The following PIM1 variants were observed in gnomAD, a reference collection of about 807,000 sequenced individuals.
PIM1 encodes Pim-1 proto-oncogene, serine/threonine kinase, also known as serine/threonine-protein kinase pim-1.
In PIM1, 9 loss-of-function variants were observed where a neutral mutation model predicts 34.5. That is an observed-to-expected ratio of 0.26 (90% confidence interval 0.16 to 0.46). The LOEUF (loss-of-function observed/expected upper bound fraction) is 0.46. PIM1 is among the 20% of genes least tolerant of loss of function. PIM1 has a pLI of 1.00. For missense variants in PIM1, 274 were observed against 410.9 expected, an observed-to-expected ratio of 0.67 and a Z score of 2.88; for synonymous variants, 199 against 175.2, an observed-to-expected ratio of 1.14 and a Z score of -1.07.
chr6:37,174,801 TCA>T lies in PIM1; in HGVS notation c.*719_*720del, dbSNP rs1158269487. The T allele has an allele frequency of 2.1e-5, 5 of 233,540 alleles. No homozygotes were observed. The highest frequency in any genetic ancestry group is 4.2e-5 in the Non-Finnish European group (5 of 118,068). The allele number at this position is 233,540 out of a possible 1,614,324, so 14.5% of individuals were successfully genotyped here. On this transcript the variant is annotated 3_prime_UTR_variant, in exon 6 of 6. Coordinates refer to ENST00000373509, the MANE Select transcript of PIM1 (RefSeq NM_002648.4). ...ACTTAACTGTTTCAAAGCCAAGACCTCACACACACAAAAAATGCACAAACAAT... is the reference window on the plus strand; with the variant it reads ...ACTTAACTGTTTCAAAGCCAAGACCTCACACACAAAAAATGCACAAACAAT...
intron 5 of PIM1, 115 bp from the exon 6 acceptor site, chr6:37,173,819 C>A: frequency 1.2e-6 from 1 of 869,094 alleles, no homozygotes; most frequent in Non-Finnish European, 1.8e-6. Flanking sequence ...CTAGAAAATG[C>A]TTGGCCTCCC....
Position 37,170,475 on chromosome 6 carries a change from A to T in PIM1, c.-101A>T. 6.4e-7 allele frequency: 1 copy of T among 1,571,864 alleles called. No individual in the cohort carries two copies. Among genetic ancestry groups the T allele is most frequent in the Non-Finnish European group, 8.6e-7 (1 of 1,164,668 alleles). The stretch of plus-strand genomic sequence containing the variant: ...CGCAACGCCACCCGCAGCCACAGCC[A>T]CAGCCACAGCCCCAGGCATAGCCTT... On this transcript the variant is annotated 5_prime_UTR_variant, in exon 1 of 6. Transcript: ENST00000373509.
At position 37,174,206 on chromosome 6, in the gene PIM1, T is replaced by C. The variant is rs530980474; in HGVS notation, c.*115T>C. The C allele has an allele frequency of 9.9e-7, 1 of 1,009,638 alleles. No individual in the cohort carries two copies. The highest frequency in any genetic ancestry group is 1.4e-6 in the Non-Finnish European group (1 of 696,382). The allele number at this position is 1,009,638 out of a possible 1,614,324, so 62.5% of individuals were successfully genotyped here. A position where few individuals can be genotyped will look rare whatever the true frequency, so the allele number is the denominator to read the frequency against. The stretch of plus-strand genomic sequence containing the variant: ...TCTCGCCAAGCAGGACAGTGCTTGA[T>C]ACAGGAACAACATTTACAACTCATT... On this transcript the variant is annotated 3_prime_UTR_variant, in exon 6 of 6. Coordinates refer to ENST00000373509, the MANE Select transcript of PIM1 (RefSeq NM_002648.4).
intron 3 of PIM1, 27 bp from the exon 4 acceptor site, chr6:37,171,098 C>T (rs775397955): frequency 6.2e-7 from 1 of 1,613,858 alleles, no homozygotes; most frequent in South Asian, 1.1e-5. Context: ...CGACTCCCGC[C>T]CTAACGCGGC....
chr6:37,173,887 A>G (rs1287736354), intron 5 of PIM1, 47 bp from the exon 6 acceptor site: 4 of 1,566,550 alleles, frequency 2.6e-6, no homozygotes, highest in Admixed American at 3.6e-5. Flanking sequence ...TTGCAGTGTA[A>G]AAACAAGTTG....
chr6:37,171,095 C>T (rs769775019), intron 3 of PIM1, 30 bp from the exon 4 acceptor site: 17 of 1,613,700 alleles, frequency 1.1e-5, no homozygotes, highest in Middle Eastern at 1.6e-4. Context: ...CCCCGACTCC[C>T]GCCCTAACGC....
rs1479527936 is a variant in PIM1 at position 37,175,399 on chromosome 6, C to T, written c.*1308C>T. 6 of 229,854 alleles carry T rather than the reference C, an allele frequency of 2.6e-5. No homozygotes were observed. The highest frequency in any genetic ancestry group is 5.2e-5 in the Non-Finnish European group (6 of 116,068). 14.2% of individuals were successfully genotyped at this position (229,854 alleles called of 1,614,324 possible). A position where few individuals can be genotyped will look rare whatever the true frequency, so the allele number is the denominator to read the frequency against. ...ATCTTATTTTTTTTTTTATACTTGG[C>T]GTTTTTTGAATAAAAACCTTTTGTC... On this transcript the variant is annotated 3_prime_UTR_variant, in exon 6 of 6. Coordinates refer to ENST00000373509, the MANE Select transcript of PIM1 (RefSeq NM_002648.4).
intron 4 of PIM1, chr6:37,172,568 G>T: frequency 2.2e-6 from 1 of 456,328 alleles, no homozygotes. Flanking sequence ...ATCCTTGCTT[G>T]GATCCTGTCG....
Position 37,170,498 on chromosome 6 carries a change from C to G in PIM1, c.-78C>G. The G allele has an allele frequency of 1.3e-6, 2 of 1,596,978 alleles. No homozygotes were observed. The highest frequency in any genetic ancestry group is 1.7e-6 in the Non-Finnish European group (2 of 1,174,938). ...CCACAGCCACAGCCCCAGGCATAGC[C>G]TTCGGCACAGCCCCGGCTCCGGCTC... On this transcript the variant is annotated 5_prime_UTR_variant, in exon 1 of 6. Coordinates refer to ENST00000373509, the MANE Select transcript of PIM1 (RefSeq NM_002648.4).
chr6:37,172,667 G>A (rs1157769396), intron 4 of PIM1: 5 of 521,814 alleles, frequency 9.6e-6, no homozygotes, highest in East Asian at 4.7e-5. Flanking sequence ...GTGCAGACAT[G>A]CATCCCTTCA....
rs760661572 is a variant in PIM1, at chr6:37,174,104, C to G, written c.*13C>G. 6.2e-7 allele frequency: 1 copy of G among 1,608,792 alleles called. No homozygotes were observed. The highest frequency in any genetic ancestry group is 2.2e-5 in the East Asian group (1 of 44,854). ...GCCCAGCAAATAGCAGCCTTTCTGG[C>G]AGGTCCTCCCCTCTCTTGTCAGATG... On this transcript the variant is annotated 3_prime_UTR_variant, in exon 6 of 6. Transcript: ENST00000373509.
Position 37,170,261 on chromosome 6 carries a change from C to G in PIM1, c.-315C>G. 1 of 1,343,350 alleles carries G rather than the reference C, an allele frequency of 7.4e-7. No homozygotes were observed. The highest frequency in any genetic ancestry group is 9.6e-7 in the Non-Finnish European group (1 of 1,046,388). 83.2% of individuals were successfully genotyped at this position (1,343,350 alleles called of 1,614,324 possible). On this transcript the variant is annotated 5_prime_UTR_variant, in exon 1 of 6. Transcript: ENST00000373509. ...GCGGCGGGACCGGCAGCAGCAGCAG[C>G]AGCAGCAGCAGCAGCAACCACTAGC...
rs142449825 is a variant in PIM1 at position 37,171,190 on chromosome 6, C to A, written c.306C>A (p.Gly102=). 4.9e-5 allele frequency: 79 copies of A among 1,613,942 alleles called. No individual in the cohort carries two copies. The highest frequency in any genetic ancestry group is 5.9e-5 in the Non-Finnish European group (70 of 1,180,008). The change falls in exon 4 of 6, where the codon GGC becomes GGA. Residue 102 remains glycine, a synonymous_variant. Transcript: ENST00000373509. ...LLKKVSSGFS[G]VIRLLDWFER... ...AGAAGGTGAGCTCGGGTTTCTCCGG[C>A]GTCATTAGGCTCCTGGACTGGTTCG...
chr6:37,173,844 T>TG, intron 5 of PIM1, 90 bp from the exon 6 acceptor site: 1 of 1,246,420 alleles, frequency 8.0e-7, no homozygotes, highest in Non-Finnish European at 1.1e-6. Flanking sequence ...ACCCCAGACT[T>TG]GTGGGCCTCT....
At position 37,170,194 on chromosome 6, in the gene PIM1, G is replaced by C. The variant is rs1311036763; in HGVS notation, c.-382G>C. The C allele has an allele frequency of 1.4e-5, 16 of 1,138,568 alleles. No individual in the cohort carries two copies. Among genetic ancestry groups the C allele is most frequent in the Non-Finnish European group, 1.5e-5 (14 of 915,862 alleles). 70.5% of individuals were successfully genotyped at this position (1,138,568 alleles called of 1,614,324 possible). Reference sequence around the variant, plus strand: ...GAGCCGGGCGTCTGCTGCAGCGGCCGCGGTGGCTGAGGAGGCCCGAGAGGA... The same window carrying C: ...GAGCCGGGCGTCTGCTGCAGCGGCCCCGGTGGCTGAGGAGGCCCGAGAGGA... On this transcript the variant is annotated 5_prime_UTR_variant, in exon 1 of 6. Transcript: ENST00000373509.
intron 4 of PIM1, chr6:37,172,352 C>T: frequency 3.0e-6 from 1 of 333,708 alleles, no homozygotes; most frequent in Non-Finnish European, 5.9e-6. Context: ...TTTGCTGCCC[C>T]CTGGTGAGCA....
Position 37,170,899 on chromosome 6 carries a change from TG to T in PIM1, c.189+24del, listed in dbSNP as rs1317366081. 6.2e-7 allele frequency: 1 copy of T among 1,610,248 alleles called. No individual in the cohort carries two copies. Among genetic ancestry groups the T allele is most frequent in the South Asian group, 1.1e-5 (1 of 90,966 alleles). Reference sequence around the variant, plus strand: ...TTGCCGGTGAGTGGGCGCCCCGCGGTGGGGAGGGCGCGCCGGGCGGGGGGCG... The same window carrying T: ...TTGCCGGTGAGTGGGCGCCCCGCGGTGGGAGGGCGCGCCGGGCGGGGGGCG... On this transcript the variant is annotated intron_variant, in intron 2 of 5. Transcript: ENST00000373509.
At chr6:37,173,906 A>G (rs750954629) in intron 5 of PIM1, 28 bp from the exon 6 acceptor site, 3 of 1,594,926 alleles carry the variant, frequency 1.9e-6, no homozygotes, top group East Asian at 2.2e-5. Flanking sequence ...TGAGTCATTC[A>G]TAACCTCGTC....
At chr6:37,173,676 G>A (rs1344371334) in intron 5 of PIM1, among the ~76,000 whole-genome samples, 1 of 152,170 alleles carries the variant, frequency 6.6e-6, no homozygotes, top group Non-Finnish European at 1.5e-5. Flanking sequence ...AGTGGGTGTT[G>A]TGGGAAAGGC....
Sources: gnomAD v4.1 joint callset for allele counts (sites outside exome capture counted in the v4.1 genomes callset) on GRCh38, gnomAD v4.1.1 for gene constraint, MANE v1.5 for transcripts, NCBI Gene and HGNC (gene_info 2026-07-23, HGNC 2026-07-21) for gene names.